The following RBM17 variants were observed in gnomAD, a reference collection of about 807,000 sequenced individuals.
The protein encoded by RBM17 is RNA binding motif protein 17.
A neutral mutation model predicts 53.2 loss-of-function variants in RBM17; 7 were observed. The observed-to-expected ratio is 0.13, with a 90% confidence interval of 0.07 to 0.25. RBM17 has a LOEUF of 0.25. RBM17 is among the 10% of genes least tolerant of loss of function. The pLI is 1.00. For missense variants in RBM17, 257 were observed against 496.7 expected (o/e 0.52, Z 4.59); for synonymous variants, 167 against 178.1 (o/e 0.94, Z 0.50).
intron 2 of RBM17, among the ~76,000 whole-genome samples, chr10:6,100,127 AGTT>A (rs890401079): frequency 1.3e-5 from 2 of 152,340 alleles, no homozygotes; most frequent in South Asian, 2.1e-4. Context: ...TTACTTTGTG[AGTT>A]GTTAATTGGA....
At chr10:6,113,882 T>C (rs944012450) in intron 9 of RBM17, 167 bp from the exon 10 acceptor site, 17 of 603,466 alleles carry the variant, frequency 2.8e-5, no homozygotes, top group African/African-American at 2.2e-4. Flanking sequence ...AATATATGTT[T>C]TAGTGTTTTA....
At chr10:6,095,360 C>T (rs1588343023) in intron 1 of RBM17, among the ~76,000 whole-genome samples, 1 of 152,130 alleles carries the variant, frequency 6.6e-6, no homozygotes, top group Non-Finnish European at 1.5e-5. Context: ...TTACAGGCAC[C>T]CACCACCACG....
In RBM17 at chr10:6,117,053, C is replaced by CCATGCTGAATG. The variant is rs531175729; in HGVS notation, c.*1497_*1498insCATGCTGAATG. 0.36 allele frequency: 55,447 copies of CCATGCTGAATG among 152,222 alleles called. 10,615 individuals are homozygous for CCATGCTGAATG. Among genetic ancestry groups the CCATGCTGAATG allele is most frequent in the Admixed American group, 0.52 (8,008 of 15,256 alleles). The allele number at this position is 152,222 out of a possible 1,614,324, so 9.4% of individuals were successfully genotyped here. On this transcript the variant is annotated 3_prime_UTR_variant, in exon 12 of 12. Transcript: ENST00000379888. ...TTGTGCTTACAAGTACCGGAGTGTGCTTGTTTAATTTTAGAAACTAATGGT... is the reference window on the plus strand; with the variant it reads ...TTGTGCTTACAAGTACCGGAGTGTGCCATGCTGAATGTTGTTTAATTTTAGAAACTAATGGT...
intron 10 of RBM17, 139 bp from the exon 11 acceptor site, chr10:6,115,100 T>A (rs1210254829): frequency 1.5e-6 from 1 of 688,652 alleles, no homozygotes; most frequent in East Asian, 2.8e-5. Context: ...AAATTATACT[T>A]ATTTCCTTGG....
chr10:6,109,934 C>T, intron 6 of RBM17, 52 bp from the exon 7 acceptor site: 1 of 1,452,256 alleles, frequency 6.9e-7, no homozygotes, highest in Non-Finnish European at 9.3e-7. Context: ...AGTGAGGTTT[C>T]AGAGTGTTTT....
intron 10 of RBM17, chr10:6,114,950 T>C: frequency 2.8e-6 from 1 of 359,046 alleles, no homozygotes; most frequent in East Asian, 4.9e-5. Context: ...TGTTGCTGTT[T>C]GTTGACCACA....
intron 3 of RBM17, among the ~76,000 whole-genome samples, chr10:6,103,018 C>G (rs1257701623): frequency 6.6e-6 from 1 of 152,206 alleles, no homozygotes; most frequent in East Asian, 1.9e-4. Flanking sequence ...TTTTGAACTC[C>G]TGAGCTCAAA....
intron 2 of RBM17, among the ~76,000 whole-genome samples, chr10:6,098,578 T>G (rs900181010): frequency 1.4e-4 from 19 of 134,724 alleles, no homozygotes; most frequent in African/African-American, 3.7e-4. Context: ...TTTTTTTTTT[T>G]TTTTTTTTTT....
chr10:6,107,886 A>G (rs528557479), intron 5 of RBM17, among the ~76,000 whole-genome samples: 1 of 152,370 alleles, frequency 6.6e-6, no homozygotes, highest in African/African-American at 2.4e-5. Context: ...ATTAAGCCAT[A>G]ATACATATGT....
At chr10:6,099,325 T>C (rs1215871920) in intron 2 of RBM17, among the ~76,000 whole-genome samples, 3 of 152,140 alleles carry the variant, frequency 2.0e-5, no homozygotes, top group African/African-American at 7.2e-5. Context: ...TTAGGCTGTT[T>C]AGTTACTCAG....
intron 1 of RBM17, among the ~76,000 whole-genome samples, chr10:6,090,997 A>G (rs1308875949): frequency 7.5e-6 from 1 of 132,800 alleles, no homozygotes; most frequent in Non-Finnish European, 1.6e-5. Context: ...ATATATGTAT[A>G]TAAATATATA....
At position 6,112,447 on chromosome 10, in the gene RBM17, A is replaced by T. The variant is rs749618681; in HGVS notation, c.856+86A>T. The T allele has an allele frequency of 1.3e-6, 2 of 1,506,114 alleles. No individual in the cohort carries two copies. Among genetic ancestry groups the T allele is most frequent in the African/African-American group, 1.4e-5 (1 of 72,604 alleles). The allele number at this position is 1,506,114 out of a possible 1,614,324, so 93.3% of individuals were successfully genotyped here. A position where few individuals can be genotyped will look rare whatever the true frequency, so the allele number is the denominator to read the frequency against. ...TGGCCAGTCTTGATCCTCATGTGTC[A>T]GCAGGGGGACAATGAGGCGTGTGGC... is the stretch of plus-strand genomic sequence containing the variant. On this transcript the variant is annotated intron_variant, in intron 8 of 11. Coordinates refer to ENST00000379888, the MANE Select transcript of RBM17 (RefSeq NM_032905.5). This position sits in a 1 kb window ranked among gnomAD's most constrained non-coding sequence, Gnocchi z 4.4.
intron 3 of RBM17, among the ~76,000 whole-genome samples, chr10:6,101,989 A>G (rs533321864): frequency 6.6e-6 from 1 of 151,902 alleles, no homozygotes; most frequent in South Asian, 2.1e-4. Flanking sequence ...TCAACTCTAT[A>G]AATTGGGTTA....
intron 3 of RBM17, among the ~76,000 whole-genome samples, chr10:6,103,941 A>G (rs1313975106): frequency 6.6e-6 from 1 of 152,200 alleles, no homozygotes; most frequent in African/African-American, 2.4e-5. Context: ...AAGGACATGA[A>G]TCCTTGTTGT....
At chr10:6,111,004 C>T (rs4747880) in intron 7 of RBM17, among the ~76,000 whole-genome samples, 55,415 of 152,022 alleles carry the variant, frequency 0.36, 10,625 homozygotes, top group Admixed American at 0.52. Context: ...GACTTTTTAG[C>T]GAATTTGCTT....
At chr10:6,096,878 C>G (rs1191659407) in intron 1 of RBM17, 170 bp from the exon 2 acceptor site, 1 of 491,290 alleles carries the variant, frequency 2.0e-6, no homozygotes, top group Non-Finnish European at 3.7e-6. Flanking sequence ...AATCCATGGT[C>G]TAGCTTCATG....
Position 6,108,219 on chromosome 10 carries a change from C to T in RBM17, c.506-467C>T, listed in dbSNP as rs547024132. Among the ~76,000 whole-genome samples the T allele has an allele frequency of 3.7e-4, 57 of 152,228 alleles. 1 individual carries two copies. The South Asian group carries it at 0.011, about 29-fold the overall frequency. On this transcript the variant is annotated intron_variant, in intron 5 of 11. Transcript: ENST00000379888. ...GGCAACGCAGGGAGCTGGGTTTACT[C>T]CCTTTCTGTTGATTCACTCCCCTCT...
intron 1 of RBM17, among the ~76,000 whole-genome samples, chr10:6,095,413 G>A (rs568344718): frequency 1.3e-5 from 2 of 152,090 alleles, no homozygotes; most frequent in South Asian, 2.1e-4. Flanking sequence ...GGTTTTCACC[G>A]TGTTGGCCAG....
At chr10:6,110,719 A>G (rs1200888682) in intron 7 of RBM17, among the ~76,000 whole-genome samples, 1 of 152,214 alleles carries the variant, frequency 6.6e-6, no homozygotes, top group African/African-American at 2.4e-5. Context: ...CTGTCCCATG[A>G]AGCAGTATCA....
Sources: allele counts gnomAD v4.1 joint callset (sites outside exome capture counted in the v4.1 genomes callset), GRCh38; gene constraint gnomAD v4.1.1; non-coding constraint Gnocchi (gnomAD v3.1); transcripts MANE v1.5; gene names NCBI Gene and HGNC (gene_info 2026-07-23, HGNC 2026-07-21).